TRA2B: variants seen among roughly 807,000 people sequenced by gnomAD.
The protein encoded by TRA2B is transformer-2 protein homolog beta.
A neutral mutation model predicts 41.7 loss-of-function variants in TRA2B; 14 were observed. The observed-to-expected ratio is 0.34, with a 90% CI of 0.22 to 0.53. The LOEUF is 0.53. Ranked by LOEUF, TRA2B falls within the 20% of genes least tolerant of loss-of-function variation. TRA2B has a pLI of 0.95. For missense variants in TRA2B, 167 were observed against 396.8 expected, an observed-to-expected ratio of 0.42 and a Z score of 4.92; for synonymous variants, 130 against 128.8, an observed-to-expected ratio of 1.01 and a Z score of -0.06.
chr3:185,918,506 G>T, intron 7 of TRA2B, 68 bp from the exon 8 acceptor site: 2 of 1,133,588 alleles, frequency 1.8e-6, no homozygotes, highest in Non-Finnish European at 2.6e-6. Flanking sequence ...ATAAATTTAT[G>T]ACTATATATA....
chr3:185,930,676 C>T (rs1246776311), intron 1 of TRA2B, among the ~76,000 whole-genome samples: 1 of 152,154 alleles, frequency 6.6e-6, no homozygotes, highest in African/African-American at 2.4e-5. Context: ...GACCCTTCTA[C>T]TCAGCTAAAA....
chr3:185,929,905 C>T (rs561903753), intron 1 of TRA2B, among the ~76,000 whole-genome samples: 9 of 152,284 alleles, frequency 5.9e-5, no homozygotes, highest in African/African-American at 2.2e-4. Context: ...CTGTCATCCC[C>T]TTCCTTGTTT....
chr3:185,935,157 T>G, intron 1 of TRA2B: 3 of 985,396 alleles, frequency 3.0e-6, no homozygotes, highest in South Asian at 4.7e-5. Flanking sequence ...AGGCCAGGAG[T>G]GCCTCTTTTT....
chr3:185,926,003 A>G (rs1434344861), intron 2 of TRA2B, among the ~76,000 whole-genome samples: 3 of 151,514 alleles, frequency 2.0e-5, no homozygotes, highest in Non-Finnish European at 4.4e-5. Flanking sequence ...AATCACAAGG[A>G]GTATTCCCCA....
At chr3:185,927,010 AG>A (rs1470478436) in intron 1 of TRA2B, 4 of 363,008 alleles carry the variant, frequency 1.1e-5, no homozygotes, top group Non-Finnish European at 1.6e-5. Context: ...CAAGCAGTTA[AG>A]GGAACTGTCC....
chr3:185,919,348 A>G, intron 7 of TRA2B, 89 bp downstream of exon 7: 1 of 1,083,788 alleles, frequency 9.2e-7, no homozygotes, highest in South Asian at 1.7e-5. Context: ...TGGGTATTCC[A>G]CTTATAATTT....
intron 6 of TRA2B, 93 bp downstream of exon 6, chr3:185,921,011 C>G: frequency 9.2e-7 from 1 of 1,091,280 alleles, no homozygotes; most frequent in Non-Finnish European, 1.3e-6. Flanking sequence ...AGTACTAAAG[C>G]AAAGCTTTTA....
intron 7 of TRA2B, 118 bp downstream of exon 7, chr3:185,919,319 G>A: frequency 1.4e-6 from 1 of 708,290 alleles, no homozygotes; most frequent in Non-Finnish European, 2.3e-6. Flanking sequence ...ATTTTCATGA[G>A]CTTCAAACAG....
chr3:185,921,634 C>T (rs534387126), intron 5 of TRA2B, among the ~76,000 whole-genome samples: 10 of 152,152 alleles, frequency 6.6e-5, no homozygotes, highest in East Asian at 1.9e-4. Context: ...CGTTGCGACA[C>T]GCGCCTGTAG....
At chr3:185,917,914 G>C (rs191653130) in intron 8 of TRA2B, among the ~76,000 whole-genome samples, 189 bp from the exon 9 acceptor site, 1 of 152,232 alleles carries the variant, frequency 6.6e-6, no homozygotes, top group African/African-American at 2.4e-5. Context: ...TTAAATAACA[G>C]AAATTGCTGG....
chr3:185,926,146 G>GC (rs1204106342), intron 2 of TRA2B, among the ~76,000 whole-genome samples: 1 of 150,748 alleles, frequency 6.6e-6, no homozygotes, highest in Non-Finnish European at 1.5e-5. Context: ...AAATGGTATC[G>GC]CCCCAGGCAA....
At chr3:185,930,780 C>T (rs1352733833) in intron 1 of TRA2B, among the ~76,000 whole-genome samples, 2 of 152,224 alleles carry the variant, frequency 1.3e-5, no homozygotes, top group African/African-American at 2.4e-5. Context: ...ACTTTGTAAC[C>T]GTTACCTCTA....
chr3:185,936,623 T>TA (rs2150120584), intron 1 of TRA2B: 1 of 985,186 alleles, frequency 1.0e-6, no homozygotes, highest in African/African-American at 1.7e-5. Context: ...TGATAAATCA[T>TA]ATTCAGATCT....
intron 2 of TRA2B, 24 bp from the exon 3 acceptor site, chr3:185,925,650 G>A (rs1366960200): frequency 1.9e-6 from 3 of 1,593,062 alleles, no homozygotes; most frequent in Non-Finnish European, 2.6e-6. Flanking sequence ...ACCTCCTAAG[G>A]TTATGACTGA....
intron 1 of TRA2B, chr3:185,931,956 TAA>T (rs34361789): frequency 0.076 from 37,842 of 499,538 alleles, 4 homozygotes; most frequent in Non-Finnish European, 0.087. Flanking sequence ...TGATTTGGAT[TAA>T]AAAAAAAAAA....
At chr3:185,937,556 C>A in intron 1 of TRA2B, 1 of 957,698 alleles carries the variant, frequency 1.0e-6, no homozygotes. Flanking sequence ...CGGCCATTTT[C>A]ATCTTCCCCC....
rs1456152396 is a variant in TRA2B at position 185,931,829 on chromosome 3, G to A, written c.37-5095C>T. 8 of 1,502,144 alleles carry A rather than the reference G, an allele frequency of 5.3e-6. No homozygotes were observed. In the South Asian group the frequency reaches 1.0e-4, roughly 19 times the overall value. 93.1% of individuals were successfully genotyped at this position (1,502,144 alleles called of 1,614,324 possible). Reference sequence around the variant, plus strand: ...TAAAACTTGTCAAATGACGACTTCCGCATTTTCCTTCTTCAACATTAACCT... The same window carrying A: ...TAAAACTTGTCAAATGACGACTTCCACATTTTCCTTCTTCAACATTAACCT... On this transcript the variant is annotated intron_variant, in intron 1 of 8. Coordinates refer to ENST00000453386, the MANE Select transcript of TRA2B (RefSeq NM_004593.3).
intron 3 of TRA2B, chr3:185,925,166 A>AT (rs1329994073): frequency 5.4e-6 from 1 of 185,188 alleles, no homozygotes; most frequent in African/African-American, 2.3e-5. Flanking sequence ...ATAGAACTAT[A>AT]TTTTGAACTA....
At chr3:185,922,343 C>T in intron 4 of TRA2B, 1 of 385,964 alleles carries the variant, frequency 2.6e-6, no homozygotes, top group Non-Finnish European at 4.6e-6. Context: ...ATTATTTTAC[C>T]TAACTATGAT....
Sources: gnomAD v4.1 joint callset for allele counts (sites outside exome capture counted in the v4.1 genomes callset) on GRCh38, gnomAD v4.1.1 for gene constraint, MANE v1.5 for transcripts, NCBI Gene and HGNC (gene_info 2026-07-23, HGNC 2026-07-21) for gene names.